OTUD7A: variants seen among roughly 807,000 people sequenced by gnomAD.
OTUD7A encodes the protein OTU deubiquitinase 7A, also known as OTU domain-containing protein 7A.
Under a neutral mutation model 65.7 loss-of-function variants are expected in OTUD7A, and 12 were observed. The ratio of observed to expected loss-of-function variants is 0.18; its 90% CI spans 0.12 to 0.30. OTUD7A has a LOEUF of 0.30. OTUD7A is among the 10% of genes least tolerant of loss of function. The pLI, the probability that OTUD7A is intolerant of heterozygous loss-of-function variation, is 1.00. For synonymous variants in OTUD7A, 641 were observed against 586.3 expected (o/e 1.09, Z -1.35); for missense variants, 1,148 against 1,304.8 (o/e 0.88, Z 1.85).
intron 1 of OTUD7A, among the ~76,000 whole-genome samples, chr15:31,794,692 A>T (rs1744395397): frequency 6.6e-6 from 1 of 151,824 alleles, no homozygotes; most frequent in African/African-American, 2.4e-5. Context: ...AAATCAGAGA[A>T]TCGCTTCATC....
intron 1 of OTUD7A, among the ~76,000 whole-genome samples, chr15:31,737,308 GAGAC>G (rs1199267741): frequency 6.6e-6 from 1 of 152,132 alleles, no homozygotes; most frequent in Non-Finnish European, 1.5e-5. Context: ...TATTGAAATA[GAGAC>G]AGACAACCCC....
chr15:31,784,342 C>T (rs1314863556), intron 1 of OTUD7A, among the ~76,000 whole-genome samples: 2 of 152,206 alleles, frequency 1.3e-5, no homozygotes, highest in African/African-American at 4.8e-5. Flanking sequence ...TTGCTTCTCA[C>T]ACTACAACTA....
At chr15:31,550,881 T>G (rs1240160961) in intron 5 of OTUD7A, among the ~76,000 whole-genome samples, 1 of 152,186 alleles carries the variant, frequency 6.6e-6, no homozygotes, top group South Asian at 2.1e-4. Context: ...CTCGTGTCCC[T>G]GAAGTGCATG....
intron 3 of OTUD7A, among the ~76,000 whole-genome samples, chr15:31,620,402 T>A (rs1038908945): frequency 1.3e-5 from 2 of 152,092 alleles, no homozygotes; most frequent in Non-Finnish European, 2.9e-5. Flanking sequence ...GGTCCTGGAC[T>A]TTTTTTGGTT....
intron 1 of OTUD7A, chr15:31,767,290 A>T (rs1417025569): frequency 2.0e-5 from 17 of 835,718 alleles, no homozygotes; most frequent in Non-Finnish European, 2.9e-5. Context: ...ACGAAATGAA[A>T]CAAAAATGAA....
chr15:31,614,454 A>T (rs1472055222), intron 3 of OTUD7A, among the ~76,000 whole-genome samples: 3 of 152,166 alleles, frequency 2.0e-5, no homozygotes, highest in Non-Finnish European at 2.9e-5. Context: ...CCTATGATAA[A>T]GGAAAATATT....
chr15:31,787,887 T>C (rs1895715286), intron 1 of OTUD7A, among the ~76,000 whole-genome samples: 1 of 152,184 alleles, frequency 6.6e-6, no homozygotes, highest in Non-Finnish European at 1.5e-5. Flanking sequence ...ATATCTAACA[T>C]AGGAAATCCT....
At chr15:31,631,573 C>T (rs1308122481) in intron 3 of OTUD7A, among the ~76,000 whole-genome samples, 1 of 152,102 alleles carries the variant, frequency 6.6e-6, no homozygotes, top group African/African-American at 2.4e-5. Flanking sequence ...TGTCTTGGAG[C>T]TGCTCTTCTC....
In OTUD7A at chr15:31,483,585, C is replaced by T; in HGVS notation, c.2511G>A (p.Val837=). 1 of 1,242,300 alleles carries T rather than the reference C, an allele frequency of 8.0e-7. No individual in the cohort carries two copies. Among genetic ancestry groups the T allele is most frequent in the Non-Finnish European group, 1.0e-6 (1 of 995,626 alleles). The allele number at this position is 1,242,300 out of a possible 1,614,324, so 77.0% of individuals were successfully genotyped here. The change falls in exon 13 of 13, where the codon GTG becomes GTA. Residue 837 remains valine, a synonymous_variant. Transcript: ENST00000307050. ...VNTVESLARA[V]PGALPGAAGT... is the part of the protein sequence containing the mutation. ...CCGCCGCGCCCGGTAGGGCCCCGGG[C>T]ACCGCGCGCGCCAGCGACTCGACCG...
intron 3 of OTUD7A, among the ~76,000 whole-genome samples, chr15:31,609,689 C>T (rs755485319): frequency 2.6e-5 from 4 of 152,152 alleles, no homozygotes; most frequent in Non-Finnish European, 5.9e-5. Context: ...AGGGTCCCAC[C>T]CACTGCTGGT....
chr15:31,559,195 G>C lies in OTUD7A; in HGVS notation c.332-8C>G, dbSNP rs537614284. On this transcript the variant is annotated splice_polypyrimidine_tract_variant and splice_region_variant and intron_variant, in intron 4 of 12. Transcript: ENST00000307050. The stretch of plus-strand genomic sequence containing the variant: ...CCCGGGAAAGCCGCTTTTCTGCAGG[G>C]GGAGAAGGAAAGATAGCCCCAAGGG... The C allele has an allele frequency of 6.2e-7, 1 of 1,611,518 alleles. No homozygotes were observed. Among genetic ancestry groups the C allele is most frequent in the South Asian group, 1.1e-5 (1 of 90,750 alleles).
At chr15:31,539,266 G>C (rs980422811) in intron 5 of OTUD7A, among the ~76,000 whole-genome samples, 3 of 152,030 alleles carry the variant, frequency 2.0e-5, no homozygotes, top group Admixed American at 2.0e-4. Context: ...CAGTGTCTAG[G>C]CATAGCAGGA....
chr15:31,631,058 C>G (rs1311050259), intron 3 of OTUD7A, among the ~76,000 whole-genome samples: 1 of 152,258 alleles, frequency 6.6e-6, no homozygotes, highest in Non-Finnish European at 1.5e-5. Context: ...CAGTCTGTGT[C>G]TTTTAATTGG....
intron 10 of OTUD7A, among the ~76,000 whole-genome samples, chr15:31,492,425 A>G (rs1249202723): frequency 6.6e-6 from 1 of 152,080 alleles, no homozygotes; most frequent in Non-Finnish European, 1.5e-5. Flanking sequence ...CTAAAAATAC[A>G]AAAATTAGCT....
intron 1 of OTUD7A, among the ~76,000 whole-genome samples, chr15:31,839,424 G>A (rs1427589489): frequency 2.0e-5 from 3 of 152,168 alleles, no homozygotes; most frequent in African/African-American, 4.8e-5. Flanking sequence ...ATAAAAGAGT[G>A]GACTGGCTGT....
chr15:31,711,909 C>T (rs1176930480), intron 1 of OTUD7A, among the ~76,000 whole-genome samples: 1 of 151,956 alleles, frequency 6.6e-6, no homozygotes, highest in Non-Finnish European at 1.5e-5. Flanking sequence ...GGTGATTTTT[C>T]CTGCTTCCTT....
intron 3 of OTUD7A, among the ~76,000 whole-genome samples, chr15:31,613,555 C>T (rs1323622756): frequency 6.6e-6 from 1 of 152,174 alleles, no homozygotes; most frequent in African/African-American, 2.4e-5. Context: ...AAATGCTCTA[C>T]ATCATTAATG....
chr15:31,834,612 T>A (rs1166412979), intron 1 of OTUD7A, among the ~76,000 whole-genome samples: 1 of 152,164 alleles, frequency 6.6e-6, no homozygotes, highest in East Asian at 1.9e-4. Flanking sequence ...TGTCTCAAGG[T>A]GTTGACAGAG....
rs559265412 is a variant in OTUD7A, at chr15:31,683,547, T to C, written c.-99-26470A>G. 2.6e-5 allele frequency among the ~76,000 whole-genome samples: 4 copies of C among 152,362 alleles called. No individual in the cohort carries two copies. In the East Asian group the frequency reaches 7.7e-4, roughly 29 times the overall value. On this transcript the variant is annotated intron_variant, in intron 1 of 12. Coordinates refer to ENST00000307050, the MANE Select transcript of OTUD7A (RefSeq NM_001382637.1). ...TTTGAAATGAGGATAGCAGTTTCTA[T>C]TTTAATATGGTTGTGGTGGTGATTA...
Sources: allele counts gnomAD v4.1 joint callset (sites outside exome capture counted in the v4.1 genomes callset), GRCh38; gene constraint gnomAD v4.1.1; transcripts MANE v1.5; gene names NCBI Gene and HGNC (gene_info 2026-07-23, HGNC 2026-07-21).